The following POMGNT1 variants were observed in gnomAD, a reference collection of about 807,000 sequenced individuals.
POMGNT1 encodes the protein protein O-linked-mannose beta-1,2-N-acetylglucosaminyltransferase 1.
A neutral mutation model predicts 95.6 loss-of-function variants in POMGNT1; 67 were observed. The ratio of observed to expected loss-of-function variants is 0.70; its 90% CI spans 0.58 to 0.86. The LOEUF is 0.86. Among genes scored for constraint, POMGNT1 ranks in the 40% least tolerant of loss-of-function variants. The pLI is 0.00. For missense variants in POMGNT1, 719 were observed against 855.2 expected (o/e 0.84, Z 1.99); for synonymous variants, 298 against 317.9 (o/e 0.94, Z 0.66).
chr1:46,193,116 G>A, intron 13 of POMGNT1, 58 bp downstream of exon 13: 1 of 1,611,964 alleles, frequency 6.2e-7, no homozygotes, highest in Non-Finnish European at 8.5e-7. Flanking sequence ...AACAGGCCCA[G>A]ACCTTATGCC....
upstream of POMGNT1, chr1:46,203,309 C>T (rs1299615646): frequency 2.9e-4 from 215 of 754,156 alleles, no homozygotes; most frequent in Non-Finnish European, 8.2e-5. Context: ...CTCCCGCCCC[C>T]GCGCCGCGCG....
At chr1:46,215,723 A>AC (rs1287421168) in intron 1 of POMGNT1, among the ~76,000 whole-genome samples, 1 of 152,094 alleles carries the variant, frequency 6.6e-6, no homozygotes, top group Non-Finnish European at 1.5e-5. Flanking sequence ...ACATAGTGAG[A>AC]CCCCATCTAC....
At chr1:46,215,259 A>AAAAAAC (rs1659031591) in intron 1 of POMGNT1, among the ~76,000 whole-genome samples, 1 of 152,048 alleles carries the variant, frequency 6.6e-6, no homozygotes, top group African/African-American at 2.4e-5. Flanking sequence ...GCAAGAGTGA[A>AAAAAAC]AAAAACAAAA....
At position 46,197,051 on chromosome 1, in the gene POMGNT1, T is replaced by C. The variant is rs1351762044; in HGVS notation, c.154A>G (p.Ile52Val). 1 of 1,613,994 alleles carries C rather than the reference T, an allele frequency of 6.2e-7. No individual in the cohort carries two copies. The highest frequency in any genetic ancestry group is 8.5e-7 in the Non-Finnish European group (1 of 1,180,018). Residue 52 changes from isoleucine to valine, a missense_variant, in exon 3 of 22, where the codon ATT becomes GTT. This residue lies in a region of POMGNT1 where 466 missense variants were observed against 517.4 expected (regional missense o/e 0.90). Coordinates refer to ENST00000371984, the MANE Select transcript of POMGNT1 (RefSeq NM_017739.4). ...TCCAGGATCAACTTGATATTGACAA[T>C]GACAGTCACCAGCAGGAAAAGCACG... ...GAVLFLLVTV[I>V]VNIKLILDTR... is the part of the protein sequence containing the mutation.
At position 46,189,099 on chromosome 1, in the gene POMGNT1, G is replaced by C. The variant is rs978902686; in HGVS notation, c.*171C>G. 57 of 1,500,898 alleles carry C rather than the reference G, an allele frequency of 3.8e-5. No homozygotes were observed. The African/African-American group carries it at 4.1e-4, about 11-fold the overall frequency. The allele number at this position is 1,500,898 out of a possible 1,614,324, so 93.0% of individuals were successfully genotyped here. On this transcript the variant is annotated 3_prime_UTR_variant, in exon 22 of 22. Coordinates refer to ENST00000371984, the MANE Select transcript of POMGNT1 (RefSeq NM_017739.4). ...ATAAATAGACTTTTAACTCAGGAAC[G>C]GGGTGTTGGAGCAGGGGAACCCTCC...
chr1:46,197,753 A>G lies in POMGNT1; in HGVS notation c.69T>C (p.Leu23=). 1.9e-6 allele frequency: 3 copies of G among 1,614,094 alleles called. No individual in the cohort carries two copies. Among genetic ancestry groups the G allele is most frequent in the Admixed American group, 1.7e-5 (1 of 60,022 alleles). ...FGARKKRSWY[L]TWKYKLTNQR... Reference sequence around the variant, plus strand: ...GGTTTGTCAGTTTATACTTCCAGGTAAGGTACCAGCTCCGCTTCTTCCGAG... The same window carrying G: ...GGTTTGTCAGTTTATACTTCCAGGTGAGGTACCAGCTCCGCTTCTTCCGAG... The change falls in exon 2 of 22, where the codon CTT becomes CTC. Residue 23 remains leucine (L), a synonymous_variant. Transcript: ENST00000371984.
intron 19 of POMGNT1, 42 bp downstream of exon 19, chr1:46,190,431 A>T: frequency 6.5e-7 from 1 of 1,538,670 alleles, no homozygotes. Flanking sequence ...CCAGTATTTG[A>T]CTCTTTGCTC....
At chr1:46,193,960 T>C (rs1458837079) in intron 9 of POMGNT1, 35 bp from the exon 10 acceptor site, 1 of 1,612,062 alleles carries the variant, frequency 6.2e-7, no homozygotes, top group Non-Finnish European at 8.5e-7. Flanking sequence ...CTTGCCTTAT[T>C]CCCCCTTCAA....
chr1:46,191,600 C>T (rs1005305250), intron 17 of POMGNT1: 3 of 233,086 alleles, frequency 1.3e-5, no homozygotes, highest in African/African-American at 6.8e-5. Flanking sequence ...CTCATTTAAA[C>T]CTCAAAATAT....
In POMGNT1 at chr1:46,189,211, A is replaced by G. The variant is rs1657543841; in HGVS notation, c.*59T>C. The G allele has an allele frequency of 1.3e-6, 2 of 1,567,776 alleles. No individual in the cohort carries two copies. Among genetic ancestry groups the G allele is most frequent in the Non-Finnish European group, 1.7e-6 (2 of 1,161,648 alleles). On this transcript the variant is annotated 3_prime_UTR_variant, in exon 22 of 22. Transcript: ENST00000371984. ...CTACAAAATCCTACAGGATGGAGGGAAGGGCTAGCCAGCCTGGGGGTACAC... is the reference window on the plus strand; with the variant it reads ...CTACAAAATCCTACAGGATGGAGGGGAGGGCTAGCCAGCCTGGGGGTACAC...
intron 1 of POMGNT1, among the ~76,000 whole-genome samples, chr1:46,217,626 G>C (rs958386464): frequency 2.6e-5 from 4 of 152,118 alleles, no homozygotes; most frequent in Non-Finnish European, 5.9e-5. Flanking sequence ...GAAGTCCAAG[G>C]TGGGCAGATT....
At chr1:46,212,573 A>G (rs758845438) in intron 1 of POMGNT1, among the ~76,000 whole-genome samples, 12 of 149,098 alleles carry the variant, frequency 8.0e-5, no homozygotes, top group South Asian at 4.2e-4. Context: ...GAGCCACTGC[A>G]CCCGGCCAAA....
chr1:46,195,984 TC>T, intron 5 of POMGNT1, 27 bp downstream of exon 5: 1 of 1,614,082 alleles, frequency 6.2e-7, no homozygotes, highest in Non-Finnish European at 8.5e-7. Flanking sequence ...GCTCCAGCCC[TC>T]TGGGTCACCC....
rs35974757 is a variant in POMGNT1, at chr1:46,209,550, T to TC, written c.-51+10154_-51+10155insG. On this transcript the variant is annotated intron_variant, in intron 1 of 22. Transcript: ENST00000371992. ...TGTTGTTGTTTTCTTTTTTTTTTTC[T>TC]TTTTTTTTTTTTGAGATGGAGTCTC... Among the ~76,000 whole-genome samples, 69 of 63,844 alleles carry TC rather than the reference T, an allele frequency of 1.1e-3. No homozygotes were observed. In the East Asian group the frequency reaches 0.043, roughly 40 times the overall value. The allele number at this position is 63,844 out of a possible 152,430, so 41.9% of individuals were successfully genotyped here. A position where few individuals can be genotyped will look rare whatever the true frequency, so the allele number is the denominator to read the frequency against.
intron 1 of POMGNT1, among the ~76,000 whole-genome samples, chr1:46,214,633 A>C (rs2148249443): frequency 6.6e-6 from 1 of 152,148 alleles, no homozygotes; most frequent in Admixed American, 6.5e-5. Flanking sequence ...TTGGGAGGCC[A>C]AGGCAGTGGA....
Position 46,195,411 on chromosome 1 carries a change from C to T in POMGNT1, c.534+400G>A, listed in dbSNP as rs746116623. 36 of 373,774 alleles carry T rather than the reference C, an allele frequency of 9.6e-5. No individual in the cohort carries two copies. The Middle Eastern group carries it at 5.6e-3, about 58-fold the overall frequency. 23.2% of individuals were successfully genotyped at this position (373,774 alleles called of 1,614,324 possible). A position where few individuals can be genotyped will look rare whatever the true frequency, so the allele number is the denominator to read the frequency against. ...TCAGCTTTCTGCTCACATATCATCTCCTTGCAGGGGCCTTCTCTTTCTAAA... is the reference window on the plus strand; with the variant it reads ...TCAGCTTTCTGCTCACATATCATCTTCTTGCAGGGGCCTTCTCTTTCTAAA... On this transcript the variant is annotated intron_variant, in intron 6 of 21. Transcript: ENST00000371984.
chr1:46,199,185 G>T (rs1165120354), upstream of POMGNT1, among the ~76,000 whole-genome samples: 1 of 152,152 alleles, frequency 6.6e-6, no homozygotes, highest in Admixed American at 6.5e-5. Context: ...CAAGTGATCC[G>T]CCCGCCTTGG....
rs1571647920 is a variant in POMGNT1 at position 46,189,959 on chromosome 1, G to A, written c.1680C>T (p.Asn560=). Residue 560 remains asparagine (N), a synonymous_variant, in exon 20 of 22, where the codon AAC becomes AAT. Transcript: ENST00000371984. ...CTGGCAGGAAAGAGTCTTCACAAGG[G>A]TTCTTGCTGTGGTCCAGAACCTCAG... The part of the protein sequence containing the change: ...SEAEVLDHSK[N]PCEDSFLPDT... 6.2e-7 allele frequency: 1 copy of A among 1,614,136 alleles called. No individual in the cohort carries two copies. The highest frequency in any genetic ancestry group is 8.5e-7 in the Non-Finnish European group (1 of 1,180,030).
chr1:46,217,651 G>A (rs1571692185), intron 1 of POMGNT1, among the ~76,000 whole-genome samples: 1 of 152,114 alleles, frequency 6.6e-6, no homozygotes, highest in East Asian at 1.9e-4. Context: ...GAGGTCAGGA[G>A]TTTGAGACCA....
Sources: allele counts gnomAD v4.1 joint callset (sites outside exome capture counted in the v4.1 genomes callset), GRCh38; gene constraint gnomAD v4.1.1; regional missense constraint gnomAD v4.1.1; transcripts MANE v1.5; gene names NCBI Gene and HGNC (gene_info 2026-07-23, HGNC 2026-07-21).